PAX6: variants seen among roughly 807,000 people sequenced by gnomAD.
The protein encoded by PAX6 is paired box 6.
In PAX6, 7 loss-of-function variants were observed where a neutral mutation model predicts 60.7. The ratio of observed to expected loss-of-function variants is 0.12; its 90% CI spans 0.07 to 0.22. The LOEUF (loss-of-function observed/expected upper bound fraction) is 0.22, where lower values mean the gene tolerates loss of function less well. PAX6 is among the 10% of genes least tolerant of loss of function. The pLI, the probability that PAX6 is intolerant of heterozygous loss-of-function variation, is 1.00. For missense variants in PAX6, 355 were observed against 555.2 expected (o/e 0.64, Z 3.62); for synonymous variants, 208 against 201.2 (o/e 1.03, Z -0.29).
At chr11:31,807,445 C>T (rs569365546) in intron 2 of PAX6, 3 of 152,356 alleles carry the variant, frequency 2.0e-5, no homozygotes, top group South Asian at 4.2e-4. Context: ...TACCCTTTAT[C>T]TTCTACTCCT....
chr11:31,811,366 G>A (rs1592657381), upstream of PAX6: 2 of 398,202 alleles, frequency 5.0e-6, no homozygotes, highest in Non-Finnish European at 8.8e-6. Flanking sequence ...TTTATGCAAA[G>A]CAGCGCCGGG....
chr11:31,801,871 G>A lies in PAX6; in HGVS notation c.183C>T (p.Asn61=), dbSNP rs1255007700. 2.5e-6 allele frequency: 4 copies of A among 1,613,940 alleles called. No individual in the cohort carries two copies. The highest frequency in any genetic ancestry group is 2.5e-6 in the Non-Finnish European group (3 of 1,179,866). Reference sequence around the variant, plus strand: ...ATGCATTAAACAATGACAAGCTTACGTTTTGATTGTCCAGCACTTGGACTT... The same window carrying A: ...ATGCATTAAACAATGACAAGCTTACATTTTGATTGTCCAGCACTTGGACTT... ...DAKVQVLDNQ[N]VSNGCVSKIL... Residue 61 remains asparagine, a splice_region_variant and synonymous_variant, in exon 6 of 14, where the codon AAC becomes AAT. Transcript: ENST00000640368.
upstream of PAX6, among the ~76,000 whole-genome samples, chr11:31,813,322 G>T (rs575191884): frequency 7.0e-6 from 1 of 143,344 alleles, no homozygotes; most frequent in Non-Finnish European, 1.5e-5. Flanking sequence ...CTTTCCAAGC[G>T]AGCATTAAAG....
chr11:31,802,016 C>T (rs1447169600), intron 5 of PAX6, 104 bp from the exon 6 acceptor site: 1 of 929,968 alleles, frequency 1.1e-6, no homozygotes, highest in Non-Finnish European at 1.7e-6. Flanking sequence ...TATGATGATA[C>T]TTTCAAACAA....
chr11:31,815,866 G>T (rs1441646659), upstream of PAX6, among the ~76,000 whole-genome samples: 1 of 152,160 alleles, frequency 6.6e-6, no homozygotes, highest in Non-Finnish European at 1.5e-5. Flanking sequence ...TCCAAACCTG[G>T]CTAGCGGGGA....
intron 2 of PAX6, chr11:31,807,901 T>C (rs892182782): frequency 1.0e-4 from 15 of 149,198 alleles, no homozygotes; most frequent in Admixed American, 9.3e-4. Context: ...TCCCTACCTT[T>C]CCCAAAGGAA....
At chr11:31,795,685 A>G (rs1592446889) in intron 8 of PAX6, among the ~76,000 whole-genome samples, 1 of 152,374 alleles carries the variant, frequency 6.6e-6, no homozygotes, top group South Asian at 2.1e-4. Flanking sequence ...TGTAACTTCT[A>G]TCATTATACA....
chr11:31,808,949 C>G (rs1489599044), intron 2 of PAX6: 1 of 152,272 alleles, frequency 6.6e-6, no homozygotes, highest in Non-Finnish European at 1.5e-5. Flanking sequence ...ACATCCTGAA[C>G]GAAGGAGTCT....
upstream of PAX6, chr11:31,811,371 G>C (rs889012678): frequency 1.8e-5 from 7 of 398,046 alleles, no homozygotes; most frequent in African/African-American, 8.2e-5. Flanking sequence ...GCAAAGCAGC[G>C]CCGGGGCCTC....
intron 12 of PAX6, chr11:31,791,686 T>C (rs1950030115): frequency 6.6e-6 from 1 of 152,146 alleles, no homozygotes; most frequent in Admixed American, 6.5e-5. Flanking sequence ...CTCTGCAAAC[T>C]GGAGAAATGT....
chr11:31,806,651 G>T, intron 3 of PAX6, 189 bp from the exon 4 acceptor site: 1 of 568,866 alleles, frequency 1.8e-6, no homozygotes, highest in Non-Finnish European at 3.1e-6. Context: ...CTACCCTTTG[G>T]GGCTTGAAAC....
chr11:31,789,453 C>A lies in PAX6; in HGVS notation c.*481G>T. On this transcript the variant is annotated 3_prime_UTR_variant, in exon 14 of 14. Transcript: ENST00000640368. ...ATGTTGTTCCAGGTTTAATTATATG[C>A]AAAGGAATGATACAAACTTGGAACA... 2.2e-6 allele frequency: 1 copy of A among 454,458 alleles called. No individual in the cohort carries two copies. The highest frequency in any genetic ancestry group is 3.8e-6 in the Non-Finnish European group (1 of 259,856). 28.2% of individuals were successfully genotyped at this position (454,458 alleles called of 1,614,324 possible). A position where few individuals can be genotyped will look rare whatever the true frequency, so the allele number is the denominator to read the frequency against.
At chr11:31,797,684 A>T (rs541293481) in intron 8 of PAX6, among the ~76,000 whole-genome samples, 2 of 152,188 alleles carry the variant, frequency 1.3e-5, no homozygotes, top group African/African-American at 4.8e-5. Context: ...CTGCTCTTAC[A>T]TAAAATGGGT....
chr11:31,802,905 G>A (rs996914289), intron 4 of PAX6, 71 bp from the exon 5 acceptor site: 5 of 1,451,580 alleles, frequency 3.4e-6, no homozygotes, highest in Non-Finnish European at 4.8e-6. Context: ...AGAAGAGGGA[G>A]AAGAAGGAAG....
intron 2 of PAX6, chr11:31,810,561 C>A: frequency 3.7e-6 from 1 of 271,476 alleles, no homozygotes; most frequent in Non-Finnish European, 6.9e-6. Context: ...TCAGCCCGCG[C>A]TGGCGCTGGC....
intron 9 of PAX6, 96 bp from the exon 10 acceptor site, chr11:31,794,210 A>G (rs1479131048): frequency 4.8e-6 from 4 of 835,506 alleles, no homozygotes; most frequent in South Asian, 4.0e-5. Flanking sequence ...CCCCACTCCC[A>G]TTACCTCCAA....
At chr11:31,793,618 G>T in intron 11 of PAX6, 34 bp downstream of exon 11, 1 of 1,614,040 alleles carries the variant, frequency 6.2e-7, no homozygotes, top group Non-Finnish European at 8.5e-7. Flanking sequence ...CAGGTTTAAA[G>T]ACATTGATTC....
intron 1 of PAX6, among the ~76,000 whole-genome samples, chr11:31,817,149 G>T (rs1188956882): frequency 6.6e-6 from 1 of 152,286 alleles, no homozygotes; most frequent in African/African-American, 2.4e-5. Context: ...CGGAGCCCGC[G>T]TTCTAGCTCA....
chr11:31,790,027 T>G lies in PAX6; in HGVS notation c.1226-8A>C, dbSNP rs1182967446. ...CACCAGGGGAAATGAGTCCTAGAAGTGGATGAAAGAAATAGCCATGTAGAT... is the reference window on the plus strand; with the variant it reads ...CACCAGGGGAAATGAGTCCTAGAAGGGGATGAAAGAAATAGCCATGTAGAT... On this transcript the variant is annotated splice_polypyrimidine_tract_variant and splice_region_variant and intron_variant, in intron 13 of 13. Transcript: ENST00000640368. 2.6e-6 allele frequency: 4 copies of G among 1,548,846 alleles called. No homozygotes were observed. In the African/African-American group the frequency reaches 6.4e-5, roughly 25 times the overall value.
Sources: gnomAD v4.1 joint callset for allele counts (sites outside exome capture counted in the v4.1 genomes callset) on GRCh38, gnomAD v4.1.1 for gene constraint, MANE v1.5 for transcripts, NCBI Gene and HGNC (gene_info 2026-07-23, HGNC 2026-07-21) for gene names.